Variants in PPP3CA observed in about 807,000 individuals in gnomAD.
PPP3CA encodes protein phosphatase 3 catalytic subunit alpha.
Under a neutral mutation model 66.5 loss-of-function variants are expected in PPP3CA, and 14 were observed. That is an observed-to-expected ratio of 0.21 (90% CI 0.14 to 0.33). The LOEUF is 0.33. Among genes scored for constraint, PPP3CA ranks in the 10% least tolerant of loss-of-function variants. PPP3CA has a pLI of 1.00. For missense variants in PPP3CA, 317 were observed against 639.5 expected (o/e 0.50, Z 5.44); for synonymous variants, 232 against 226.2 (o/e 1.03, Z -0.23).
At chr4:101,289,008 T>C (rs1009019323) in intron 1 of PPP3CA, among the ~76,000 whole-genome samples, 11 of 151,890 alleles carry the variant, frequency 7.2e-5, no homozygotes, top group Non-Finnish European at 1.3e-4. Context: ...TCCAACTGCG[T>C]AGGAGGAAAA....
At chr4:101,074,265 T>C (rs1161909840) in intron 8 of PPP3CA, among the ~76,000 whole-genome samples, 1 of 152,176 alleles carries the variant, frequency 6.6e-6, no homozygotes, top group Non-Finnish European at 1.5e-5. Context: ...TGGGTATAGA[T>C]TCCACTTTCC....
At position 101,259,183 on chromosome 4, in the gene PPP3CA, C is replaced by T. The variant is rs115134871; in HGVS notation, c.59-63067G>A. Among the ~76,000 whole-genome samples, 1,249 of 152,242 alleles carry T rather than the reference C, an allele frequency of 8.2e-3. 16 individuals are homozygous for T. Among genetic ancestry groups the T allele is most frequent in the African/African-American group, 0.029 (1,206 of 41,544 alleles). ...TCCTCTCCAGCCACCCCCCACATAC[C>T]AACGGTTTCCTCTCATGTGTCCTTG... is the stretch of plus-strand genomic sequence containing the variant. On this transcript the variant is annotated intron_variant, in intron 1 of 13. Coordinates refer to ENST00000394854, the MANE Select transcript of PPP3CA (RefSeq NM_000944.5).
intron 1 of PPP3CA, among the ~76,000 whole-genome samples, chr4:101,250,859 A>T (rs1726652015): frequency 6.6e-6 from 1 of 152,110 alleles, no homozygotes. Flanking sequence ...AAAAGGAAAT[A>T]AAAAATTTTA....
At chr4:101,159,427 A>T (rs1723429824) in intron 2 of PPP3CA, among the ~76,000 whole-genome samples, 1 of 152,112 alleles carries the variant, frequency 6.6e-6, no homozygotes, top group Non-Finnish European at 1.5e-5. Flanking sequence ...CTCTGATTTA[A>T]TCTGGGTTTA....
intron 1 of PPP3CA, among the ~76,000 whole-genome samples, chr4:101,246,637 T>C (rs1726488042): frequency 6.6e-6 from 1 of 152,210 alleles, no homozygotes; most frequent in Non-Finnish European, 1.5e-5. Context: ...CATATTACTC[T>C]GAGTATAAAA....
chr4:101,181,701 TA>T (rs1724240584), intron 2 of PPP3CA, among the ~76,000 whole-genome samples: 2 of 152,058 alleles, frequency 1.3e-5, no homozygotes, highest in African/African-American at 4.8e-5. Context: ...TTATACAAAA[TA>T]AAGTATCTTA....
At chr4:101,061,029 T>C (rs1728438693) in intron 10 of PPP3CA, 58 bp downstream of exon 10, 5 of 1,367,126 alleles carry the variant, frequency 3.7e-6, no homozygotes, top group Non-Finnish European at 5.2e-6. Context: ...GATTTAGCAA[T>C]GAGACTCTAA....
intron 2 of PPP3CA, among the ~76,000 whole-genome samples, chr4:101,130,826 C>T (rs1439318210): frequency 3.3e-5 from 5 of 152,150 alleles, no homozygotes; most frequent in Non-Finnish European, 5.9e-5. Flanking sequence ...TGAAGAAACT[C>T]CATCAACTAA....
intron 2 of PPP3CA, among the ~76,000 whole-genome samples, chr4:101,123,172 G>A (rs1185127773): frequency 6.6e-6 from 1 of 152,158 alleles, no homozygotes; most frequent in Non-Finnish European, 1.5e-5. Context: ...TAGGGTACAA[G>A]CTACAAAGGC....
At chr4:101,087,207 G>C (rs917900227) in intron 6 of PPP3CA, among the ~76,000 whole-genome samples, 2 of 152,022 alleles carry the variant, frequency 1.3e-5, no homozygotes, top group Non-Finnish European at 1.5e-5. Context: ...TTTGTCCCAG[G>C]GTTCTTGATC....
intron 1 of PPP3CA, among the ~76,000 whole-genome samples, chr4:101,249,089 A>G (rs1314672809): frequency 6.6e-6 from 1 of 151,862 alleles, no homozygotes; most frequent in Non-Finnish European, 1.5e-5. Context: ...GAACCCGGGA[A>G]GCGGAGCTTG....
chr4:101,109,233 T>C (rs910203269), intron 2 of PPP3CA, among the ~76,000 whole-genome samples, 155 bp from the exon 3 acceptor site: 6 of 150,924 alleles, frequency 4.0e-5, no homozygotes, highest in Non-Finnish European at 7.4e-5. Context: ...AAGCTAAGTA[T>C]TTTGCTCAAG....
At chr4:101,299,121 T>G (rs1262881731) in intron 1 of PPP3CA, among the ~76,000 whole-genome samples, 12 of 145,904 alleles carry the variant, frequency 8.2e-5, no homozygotes, top group East Asian at 2.0e-4. Flanking sequence ...TTTTTTTTTT[T>G]TTTTTTTTTT....
intron 2 of PPP3CA, among the ~76,000 whole-genome samples, chr4:101,163,632 C>T (rs1723592744): frequency 6.6e-6 from 1 of 152,138 alleles, no homozygotes; most frequent in South Asian, 2.1e-4. Flanking sequence ...TCTTCTCTTT[C>T]TACTCTTCAC....
intron 2 of PPP3CA, among the ~76,000 whole-genome samples, chr4:101,175,181 G>A (rs1160236387): frequency 6.6e-6 from 1 of 152,114 alleles, no homozygotes; most frequent in Non-Finnish European, 1.5e-5. Context: ...CATCATCTTT[G>A]TTTCTGAAGC....
At chr4:101,041,681 G>A (rs763335855) in intron 10 of PPP3CA, among the ~76,000 whole-genome samples, 1 of 152,008 alleles carries the variant, frequency 6.6e-6, no homozygotes, top group Non-Finnish European at 1.5e-5. Context: ...TGACCTGCCT[G>A]CCTCAGCCTC....
At chr4:101,161,194 A>C (rs2110306823) in intron 2 of PPP3CA, among the ~76,000 whole-genome samples, 1 of 152,268 alleles carries the variant, frequency 6.6e-6, no homozygotes, top group Middle Eastern at 3.4e-3. Flanking sequence ...GGTTTATATA[A>C]ATAGACCCTG....
chr4:101,038,530 C>T (rs1469913951), intron 11 of PPP3CA, among the ~76,000 whole-genome samples: 7 of 152,062 alleles, frequency 4.6e-5, no homozygotes, highest in South Asian at 2.1e-4. Context: ...TCACCATGCC[C>T]GGCTAATTTT....
intron 2 of PPP3CA, among the ~76,000 whole-genome samples, chr4:101,124,758 A>G (rs995189741): frequency 7.9e-6 from 1 of 127,150 alleles, no homozygotes; most frequent in African/African-American, 3.4e-5. Flanking sequence ...AAAGAAAGAA[A>G]GAAAGAAAGA....
Sources: gnomAD v4.1 joint callset for allele counts (sites outside exome capture counted in the v4.1 genomes callset) on GRCh38, gnomAD v4.1.1 for gene constraint, MANE v1.5 for transcripts, NCBI Gene and HGNC (gene_info 2026-07-23, HGNC 2026-07-21) for gene names.